The following IFT140 variants were observed in gnomAD, a reference collection of about 807,000 sequenced individuals.
IFT140 encodes the protein intraflagellar transport protein 140 homolog.
IFT140 carries 133 observed loss-of-function variants against 164.6 expected under a neutral mutation model. The observed-to-expected ratio is 0.81, with a 90% CI of 0.70 to 0.93. The LOEUF (loss-of-function observed/expected upper bound fraction) is 0.93, where lower values mean the gene tolerates loss of function less well. Among genes scored for constraint, IFT140 ranks in the 40% least tolerant of loss-of-function variants. The pLI is 0.00. For missense variants in IFT140, 2,045 were observed against 1,972.3 expected (o/e 1.04, Z -0.70); for synonymous variants, 860 against 817.3 (o/e 1.05, Z -0.89).
chr16:1,535,228 G>C (rs1017893466), intron 19 of IFT140, among the ~76,000 whole-genome samples: 1 of 152,148 alleles, frequency 6.6e-6, no homozygotes, highest in African/African-American at 2.4e-5. Flanking sequence ...AGGGAGGCCA[G>C]GACGCTCGGA....
chr16:1,596,752 G>C (rs1465455219), intron 4 of IFT140, among the ~76,000 whole-genome samples: 1 of 152,074 alleles, frequency 6.6e-6, no homozygotes, highest in Non-Finnish European at 1.5e-5. Context: ...CTGAGCCCGA[G>C]GCGCCTCCAC....
chr16:1,569,679 C>T (rs1245605381), intron 14 of IFT140, among the ~76,000 whole-genome samples: 1 of 151,674 alleles, frequency 6.6e-6, no homozygotes, highest in Non-Finnish European at 1.5e-5. Context: ...CAGCCTTGAC[C>T]TCCTGGGCTC....
chr16:1,550,447 AC>A (rs2032540702), intron 19 of IFT140, among the ~76,000 whole-genome samples: 1 of 152,288 alleles, frequency 6.6e-6, no homozygotes, highest in African/African-American at 2.4e-5. Context: ...CTCCTTTGTT[AC>A]AAAAAGCACT....
intron 19 of IFT140, among the ~76,000 whole-genome samples, chr16:1,547,849 T>C (rs1212442330): frequency 6.6e-6 from 1 of 152,172 alleles, no homozygotes; most frequent in African/African-American, 2.4e-5. Flanking sequence ...CATCTATTTA[T>C]TTCTTAAAGC....
At chr16:1,521,692 C>T (rs1009628367) in intron 26 of IFT140, among the ~76,000 whole-genome samples, 2 of 151,410 alleles carry the variant, frequency 1.3e-5, no homozygotes, top group African/African-American at 4.8e-5. Flanking sequence ...ACACCCAGCC[C>T]TCATTTTAAG....
In IFT140 at chr16:1,523,558, T is replaced by A. The variant is rs749485701; in HGVS notation, c.3413A>T (p.Gln1138Leu). The change falls in exon 26 of 31, where the codon CAG (glutamine) becomes CTG (leucine). Residue 1138 changes from glutamine (Q) to leucine (L), a missense_variant. Transcript: ENST00000426508. ...CAGCAGCTCTACCGCCCTCTCGTAC[T>A]GACTGTGCTCGATGAAGAAGTCGGA... The part of the protein sequence containing the change: ...RCSDFFIEHS[Q>L]YERAVELLLA... 56 of 1,613,346 alleles carry A rather than the reference T, an allele frequency of 3.5e-5. No individual in the cohort carries two copies. Among genetic ancestry groups the A allele is most frequent in the Non-Finnish European group, 4.7e-5 (56 of 1,179,964 alleles).
chr16:1,568,704 A>G (rs2141601101), intron 14 of IFT140, among the ~76,000 whole-genome samples: 1 of 152,240 alleles, frequency 6.6e-6, no homozygotes, highest in African/African-American at 2.4e-5. Context: ...CAGTGAACCG[A>G]GATCATGCCA....
At position 1,520,678 on chromosome 16, in the gene IFT140, A is replaced by C. The variant is rs753550166; in HGVS notation, c.3584T>G (p.Ile1195Arg). The C allele has an allele frequency of 6.2e-7, 1 of 1,608,624 alleles. No individual in the cohort carries two copies. Among genetic ancestry groups the C allele is most frequent in the Non-Finnish European group, 8.5e-7 (1 of 1,177,664 alleles). The change falls in exon 27 of 31, where the codon ATA becomes AGA. Residue 1195 changes from isoleucine (I) to arginine (R), a missense_variant. Coordinates refer to ENST00000426508, the MANE Select transcript of IFT140 (RefSeq NM_014714.4). The part of the protein sequence containing the change: ...EESRRELLEQ[I>R]ADCCMRQGSY... ...GCCCTGGCGCATGCAGCAGTCTGCT[A>C]TCTGCTCCAGCAGCTCCCGCCGCGA...
chr16:1,513,390 A>T (rs1208989459), intron 30 of IFT140: 1 of 152,116 alleles, frequency 6.6e-6, no homozygotes, highest in Non-Finnish European at 1.5e-5. Flanking sequence ...AGTCCCAGCT[A>T]CTTGGGAGGC....
At chr16:1,588,527 A>AAATAATAAT (rs56785842) in intron 7 of IFT140, among the ~76,000 whole-genome samples, 81 of 145,446 alleles carry the variant, frequency 5.6e-4, no homozygotes, top group African/African-American at 1.2e-3. Flanking sequence ...TCCGTCTCAA[A>AAATAATAAT]AATAATAATA....
chr16:1,535,920 G>A (rs372798939), intron 19 of IFT140, among the ~76,000 whole-genome samples: 1 of 152,248 alleles, frequency 6.6e-6, no homozygotes, highest in Non-Finnish European at 1.5e-5. Context: ...GGGTCTCCGC[G>A]TGACTCCGGC....
At chr16:1,594,886 T>G (rs1305284135) in intron 4 of IFT140, among the ~76,000 whole-genome samples, 3 of 152,252 alleles carry the variant, frequency 2.0e-5, no homozygotes, top group Non-Finnish European at 1.5e-5. Context: ...TACGCTCTTC[T>G]TCCCACCGCC....
chr16:1,563,530 A>G (rs2033542139), intron 17 of IFT140, among the ~76,000 whole-genome samples: 1 of 152,050 alleles, frequency 6.6e-6, no homozygotes, highest in South Asian at 2.1e-4. Context: ...AGAACCAAAA[A>G]AATGCCATTC....
rs762463151 is a variant in IFT140, at chr16:1,564,698, G to A, written c.1902-536C>T. Among the ~76,000 whole-genome samples the A allele has an allele frequency of 2.0e-5, 3 of 152,102 alleles. No homozygotes were observed. The highest frequency in any genetic ancestry group is 2.9e-5 in the Non-Finnish European group (2 of 68,048). ...TGATGTGCCGGCAGACGACACACAA[G>A]GTTTCAAGAGAGAGCAGGTGCCCAA... On this transcript the variant is annotated intron_variant, in intron 16 of 30. Coordinates refer to ENST00000426508, the MANE Select transcript of IFT140 (RefSeq NM_014714.4). This position sits in a 1 kb window ranked among gnomAD's most constrained non-coding sequence, Gnocchi z 5.5.
rs56785842 is a variant in IFT140 at position 1,588,527 on chromosome 16, A to AAAT, written c.811-506_811-504dup. 2.2e-3 allele frequency among the ~76,000 whole-genome samples: 317 copies of AAAT among 145,444 alleles called. 2 individuals carry two copies. The highest frequency in any genetic ancestry group is 3.0e-3 in the Non-Finnish European group (201 of 66,998). Reference sequence around the variant, plus strand: ...GTGACAGAGCAAGACTCCGTCTCAAAAATAATAATAATAATAATAATAGTA... The same window carrying AAAT: ...GTGACAGAGCAAGACTCCGTCTCAAAAATAATAATAATAATAATAATAATAGTA... On this transcript the variant is annotated intron_variant, in intron 7 of 30. Transcript: ENST00000426508.
chr16:1,580,584 ATG>A (rs1162235557), intron 13 of IFT140, 173 bp downstream of exon 13: 1 of 533,470 alleles, frequency 1.9e-6, no homozygotes, highest in Admixed American at 3.3e-5. Flanking sequence ...GCCTGCAGTA[ATG>A]TGAGTCAACA....
At chr16:1,596,162 C>T (rs1203574813) in intron 4 of IFT140, among the ~76,000 whole-genome samples, 1 of 147,466 alleles carries the variant, frequency 6.8e-6, no homozygotes, top group Admixed American at 6.8e-5. Context: ...AGAAAACCCC[C>T]CACCTAATGA....
chr16:1,589,042 C>A (rs888285025), intron 7 of IFT140, among the ~76,000 whole-genome samples: 4 of 152,170 alleles, frequency 2.6e-5, no homozygotes, highest in Non-Finnish European at 5.9e-5. Context: ...TAGGTTGTTA[C>A]GGTGGCCCAA....
chr16:1,584,134 T>TG, intron 11 of IFT140, 83 bp downstream of exon 11: 1 of 1,236,160 alleles, frequency 8.1e-7, no homozygotes, highest in East Asian at 2.5e-5. Context: ...ACCTGCCATC[T>TG]GGGGCCCTTG....
Sources: gnomAD v4.1 joint callset for allele counts (sites outside exome capture counted in the v4.1 genomes callset) on GRCh38, gnomAD v4.1.1 for gene constraint, Gnocchi (gnomAD v3.1) non-coding constraint, MANE v1.5 for transcripts, NCBI Gene and HGNC (gene_info 2026-07-23, HGNC 2026-07-21) for gene names.